The following TENM3 variants were observed in gnomAD, a reference collection of about 807,000 sequenced individuals.
The protein encoded by TENM3 is teneurin transmembrane protein 3, also known as teneurin-3.
In TENM3, 63 loss-of-function variants were observed where a neutral mutation model predicts 255.1. The observed-to-expected ratio is 0.25, with a 90% confidence interval of 0.20 to 0.30. TENM3 has a LOEUF of 0.30. TENM3 is among the 10% of genes least tolerant of loss of function. The pLI is 1.00. For missense variants in TENM3, 2,929 were observed against 3,461.1 expected (o/e 0.85, Z 3.86); for synonymous variants, 1,306 against 1,322.3 (o/e 0.99, Z 0.27).
At chr4:182,461,007 A>G (rs766483947) in intron 3 of TENM3, among the ~76,000 whole-genome samples, 7 of 152,204 alleles carry the variant, frequency 4.6e-5, no homozygotes, top group Non-Finnish European at 1.0e-4. Context: ...TCATAATCAT[A>G]TAATTTTGAG....
chr4:182,363,605 G>A (rs574250766), intron 3 of TENM3, among the ~76,000 whole-genome samples: 2 of 151,770 alleles, frequency 1.3e-5, no homozygotes, highest in African/African-American at 4.8e-5. Context: ...GAACACTCGA[G>A]ACAAACATTA....
At chr4:181,799,063 G>A in the TENM3 span, among the ~76,000 whole-genome samples, 1 of 152,118 alleles carries the variant, frequency 6.6e-6, no homozygotes, top group African/African-American at 2.4e-5. Context: ...TGTATACATT[G>A]GAAGGCTCCC....
the TENM3 span, among the ~76,000 whole-genome samples, chr4:181,517,622 G>T: frequency 9.9e-5 from 15 of 152,096 alleles, no homozygotes; most frequent in Admixed American, 2.6e-4. Context: ...TTTTACAATT[G>T]GTTTGTTCAT....
At chr4:182,165,925 T>C (rs939077159) in intron 1 of TENM3, among the ~76,000 whole-genome samples, 42 of 152,246 alleles carry the variant, frequency 2.8e-4, no homozygotes, top group Non-Finnish European at 4.6e-4. Context: ...ATTACAGGCG[T>C]GTGCCACCAC....
At chr4:181,939,606 T>C in the TENM3 span, among the ~76,000 whole-genome samples, 2 of 152,248 alleles carry the variant, frequency 1.3e-5, no homozygotes, top group Non-Finnish European at 2.9e-5. Flanking sequence ...GATCTGTTTA[T>C]TTCTCCACTT....
At chr4:182,724,266 T>C (rs1360004187) in intron 13 of TENM3, among the ~76,000 whole-genome samples, 1 of 152,250 alleles carries the variant, frequency 6.6e-6, no homozygotes, top group Admixed American at 6.5e-5. Context: ...TCGATGATTT[T>C]TGAGAAGCTA....
chr4:181,778,501 G>A, the TENM3 span, among the ~76,000 whole-genome samples: 7 of 152,124 alleles, frequency 4.6e-5, no homozygotes, highest in Admixed American at 6.6e-5. Flanking sequence ...GTTTTCTGGT[G>A]TTTAGGCCAT....
At chr4:182,398,535 G>C (rs904723445) in intron 3 of TENM3, among the ~76,000 whole-genome samples, 1 of 152,170 alleles carries the variant, frequency 6.6e-6, no homozygotes, top group African/African-American at 2.4e-5. Flanking sequence ...AAAGTGAAAA[G>C]TGTCTCTATG....
chr4:181,499,414 G>T, the TENM3 span, among the ~76,000 whole-genome samples: 1 of 152,170 alleles, frequency 6.6e-6, no homozygotes, highest in South Asian at 2.1e-4. Flanking sequence ...AAAGGGAAGG[G>T]TTACAACAGA....
chr4:182,202,256 TC>T (rs1159669634), intron 1 of TENM3, among the ~76,000 whole-genome samples: 1 of 151,782 alleles, frequency 6.6e-6, no homozygotes, highest in Non-Finnish European at 1.5e-5. Context: ...TTCCTGAAGT[TC>T]CTGGTGAACT....
chr4:181,972,661 G>A, the TENM3 span, among the ~76,000 whole-genome samples: 2 of 152,062 alleles, frequency 1.3e-5, no homozygotes, highest in African/African-American at 4.8e-5. Flanking sequence ...AACATGACCT[G>A]GGCAGTATCT....
chr4:181,622,551 G>A, the TENM3 span, among the ~76,000 whole-genome samples: 22 of 151,958 alleles, frequency 1.4e-4, no homozygotes, highest in African/African-American at 4.3e-4. Context: ...TGGCAAGAGC[G>A]TGTAATGTCA....
the TENM3 span, among the ~76,000 whole-genome samples, chr4:181,750,762 TGTTGGGTA>T: frequency 6.6e-6 from 1 of 152,186 alleles, no homozygotes; most frequent in South Asian, 2.1e-4. Flanking sequence ...GCCACCCACA[TGTTGGGTA>T]GTTCTTAAAA....
chr4:182,017,384 C>G, the TENM3 span, among the ~76,000 whole-genome samples: 1 of 152,160 alleles, frequency 6.6e-6, no homozygotes, highest in Middle Eastern at 3.2e-3. Context: ...GTGTGCATAA[C>G]AAAATGGACT....
intron 3 of TENM3, among the ~76,000 whole-genome samples, chr4:182,385,338 C>G (rs1247102909): frequency 6.9e-6 from 1 of 143,976 alleles, no homozygotes; most frequent in Non-Finnish European, 1.5e-5. Flanking sequence ...GATCTCCACT[C>G]ACTGCAACCT....
the TENM3 span, among the ~76,000 whole-genome samples, chr4:181,713,242 G>A: frequency 6.6e-6 from 1 of 152,204 alleles, no homozygotes; most frequent in South Asian, 2.1e-4. Context: ...CTACAAAGAA[G>A]AGGTTGAACA....
At chr4:182,488,695 T>C (rs946038317) in intron 3 of TENM3, among the ~76,000 whole-genome samples, 1 of 152,136 alleles carries the variant, frequency 6.6e-6, no homozygotes, top group Non-Finnish European at 1.5e-5. Context: ...AAGCCTAATG[T>C]CATCGAATAC....
At chr4:182,685,169 G>C (rs1206707713) in intron 11 of TENM3, among the ~76,000 whole-genome samples, 1 of 151,926 alleles carries the variant, frequency 6.6e-6, no homozygotes, top group Non-Finnish European at 1.5e-5. Context: ...TCTGATTTTT[G>C]TATGAGTTTT....
At chr4:182,300,681 T>G (rs1761799290) in intron 1 of TENM3, among the ~76,000 whole-genome samples, 2 of 152,206 alleles carry the variant, frequency 1.3e-5, no homozygotes. Flanking sequence ...AGCTGTAGAA[T>G]TCTCTAGCTC....
Sources: gnomAD v4.1 joint callset for allele counts (sites outside exome capture counted in the v4.1 genomes callset) on GRCh38, gnomAD v4.1.1 for gene constraint, MANE v1.5 for transcripts, NCBI Gene and HGNC (gene_info 2026-07-23, HGNC 2026-07-21) for gene names.